The following MAN1C1 variants were observed in gnomAD, a reference collection of about 807,000 sequenced individuals.
MAN1C1 encodes the protein mannosyl-oligosaccharide 1,2-alpha-mannosidase IC.
MAN1C1 carries 49 observed loss-of-function variants against 71.5 expected under a neutral mutation model. That is an observed-to-expected ratio of 0.69 (90% CI 0.54 to 0.87). MAN1C1 has a LOEUF of 0.87. MAN1C1 is among the 40% of genes least tolerant of loss of function. The pLI is 0.00. For missense variants in MAN1C1, 743 were observed against 835.0 expected (o/e 0.89, Z 1.36); for synonymous variants, 352 against 343.7 (o/e 1.02, Z -0.27).
In MAN1C1 at chr1:25,782,562, C is replaced by T. The variant is rs763499626; in HGVS notation, c.1651-23C>T. 2 of 1,555,882 alleles carry T rather than the reference C, an allele frequency of 1.3e-6. No individual in the cohort carries two copies. The highest frequency in any genetic ancestry group is 1.1e-5 in the South Asian group (1 of 89,842). ...CCTGTCCCGTGTTAAGGCTGTTTTC[C>T]TCCTCCTCTTCCCCTTCCTCAGGCC... On this transcript the variant is annotated intron_variant, in intron 10 of 11. Transcript: ENST00000374332. This position sits in a 1 kb window ranked among gnomAD's most constrained non-coding sequence, Gnocchi z 4.4.
chr1:25,695,602 C>T (rs574452951), intron 2 of MAN1C1, among the ~76,000 whole-genome samples: 4 of 151,318 alleles, frequency 2.6e-5, no homozygotes, highest in South Asian at 4.2e-4. Flanking sequence ...CACCGCCGAC[C>T]GACCACTCAC....
At chr1:25,680,156 G>A (rs934617201) in intron 1 of MAN1C1, among the ~76,000 whole-genome samples, 1 of 151,768 alleles carries the variant, frequency 6.6e-6, no homozygotes, top group Non-Finnish European at 1.5e-5. Context: ...TCTGCCTCCC[G>A]GGTTCAAGAA....
At chr1:25,676,953 C>T (rs1327918595) in intron 1 of MAN1C1, among the ~76,000 whole-genome samples, 1 of 152,168 alleles carries the variant, frequency 6.6e-6, no homozygotes, top group Non-Finnish European at 1.5e-5. Flanking sequence ...GTGTCCTCCC[C>T]TCCTCTAATG....
chr1:25,686,236 G>A (rs368401501), intron 1 of MAN1C1, among the ~76,000 whole-genome samples: 222 of 152,286 alleles, frequency 1.5e-3, no homozygotes, highest in African/African-American at 4.8e-3. Context: ...GACACATGGC[G>A]TTGTCTAAGA....
In MAN1C1 at chr1:25,686,364, G is replaced by A. The variant is rs545418938; in HGVS notation, c.541-76G>A. 3 of 1,259,080 alleles carry A rather than the reference G, an allele frequency of 2.4e-6. No homozygotes were observed. In the East Asian group the frequency reaches 7.0e-5, roughly 29 times the overall value. The allele number at this position is 1,259,080 out of a possible 1,614,324, so 78.0% of individuals were successfully genotyped here. On this transcript the variant is annotated intron_variant, in intron 1 of 11. Coordinates refer to ENST00000374332, the MANE Select transcript of MAN1C1 (RefSeq NM_020379.4). The stretch of plus-strand genomic sequence containing the variant: ...TTTAGTTTAAAAACACGTTGCAAGG[G>A]GCAAAGCCAGGCGGCCAGTGCGCAC...
intron 1 of MAN1C1, among the ~76,000 whole-genome samples, chr1:25,638,011 A>T (rs1445607872): frequency 6.6e-6 from 1 of 152,164 alleles, no homozygotes; most frequent in East Asian, 1.9e-4. Flanking sequence ...CTGCTTTTGA[A>T]TTAGTGTTTA....
chr1:25,654,875 G>A (rs1388238377), intron 1 of MAN1C1, among the ~76,000 whole-genome samples: 2 of 152,106 alleles, frequency 1.3e-5, no homozygotes, highest in Non-Finnish European at 2.9e-5. Context: ...TCGATCTCCT[G>A]ACCTCACGAT....
intron 1 of MAN1C1, among the ~76,000 whole-genome samples, chr1:25,653,798 G>A (rs992349628): frequency 3.9e-5 from 6 of 152,324 alleles, no homozygotes; most frequent in South Asian, 2.1e-4. Flanking sequence ...GGGCCAGGTC[G>A]GGGCGGGGAG....
At chr1:25,684,928 G>T (rs572062644) in intron 1 of MAN1C1, among the ~76,000 whole-genome samples, 1 of 152,360 alleles carries the variant, frequency 6.6e-6, no homozygotes, top group African/African-American at 2.4e-5. Context: ...GCAGATTCTT[G>T]GGCCCCACCC....
intron 1 of MAN1C1, among the ~76,000 whole-genome samples, chr1:25,668,144 G>A (rs938855171): frequency 5.3e-5 from 8 of 152,306 alleles, no homozygotes; most frequent in South Asian, 2.1e-4. Context: ...AAGAAAAGCC[G>A]AATGCATTTC....
intron 1 of MAN1C1, among the ~76,000 whole-genome samples, chr1:25,630,643 TTTTTA>T (rs982102459): frequency 6.6e-6 from 1 of 152,134 alleles, no homozygotes; most frequent in Non-Finnish European, 1.5e-5. Flanking sequence ...ATTCCTAAGT[TTTTTA>T]TTTTATTTTA....
intron 6 of MAN1C1, chr1:25,760,526 G>T (rs942003812): frequency 6.6e-6 from 1 of 152,186 alleles, no homozygotes; most frequent in African/African-American, 2.4e-5. Flanking sequence ...AGAAGCGCCC[G>T]CACCCTCCAG....
At chr1:25,628,177 A>G (rs564913930) in intron 1 of MAN1C1, among the ~76,000 whole-genome samples, 1 of 152,190 alleles carries the variant, frequency 6.6e-6, no homozygotes, top group African/African-American at 2.4e-5. Flanking sequence ...ATTTCTCTCA[A>G]CAGTGTTTTG....
chr1:25,657,548 A>T, intron 1 of MAN1C1, among the ~76,000 whole-genome samples: 1 of 152,156 alleles, frequency 6.6e-6, no homozygotes, highest in Non-Finnish European at 1.5e-5. Context: ...TTTCCTACCC[A>T]TTTGTCACTT....
At chr1:25,661,805 A>G (rs1470327583) in intron 1 of MAN1C1, among the ~76,000 whole-genome samples, 3 of 152,242 alleles carry the variant, frequency 2.0e-5, no homozygotes, top group Non-Finnish European at 4.4e-5. Flanking sequence ...AAGGAGTTAA[A>G]AATATGTAAT....
At chr1:25,664,832 G>A (rs1392698267) in intron 1 of MAN1C1, among the ~76,000 whole-genome samples, 2 of 152,240 alleles carry the variant, frequency 1.3e-5, no homozygotes, top group South Asian at 2.1e-4. Context: ...ATTATCTCAC[G>A]ATTGGACATG....
At chr1:25,679,950 A>AAAATAT (rs1285307256) in intron 1 of MAN1C1, among the ~76,000 whole-genome samples, 142 of 117,198 alleles carry the variant, frequency 1.2e-3, no homozygotes, top group African/African-American at 4.4e-3. Context: ...AAAAAAAAAA[A>AAAATAT]ATATATATAT....
At chr1:25,629,849 CTGA>C (rs1225763814) in intron 1 of MAN1C1, among the ~76,000 whole-genome samples, 1 of 151,534 alleles carries the variant, frequency 6.6e-6, no homozygotes, top group African/African-American at 2.4e-5. Flanking sequence ...TCTTTTTACT[CTGA>C]TGATTATTAC....
At position 25,763,868 on chromosome 1, in the gene MAN1C1, C is replaced by G. The variant is rs183010282; in HGVS notation, c.1048-6C>G. 5.6e-6 allele frequency: 9 copies of G among 1,613,032 alleles called. No homozygotes were observed. Among genetic ancestry groups the G allele is most frequent in the African/African-American group, 1.3e-5 (1 of 74,900 alleles). ...GAAGGCTCACCTGGTGTCCGTCTCTCGGCAGGTCAGGAACATCCGCAAGGT... is the reference window on the plus strand; with the variant it reads ...GAAGGCTCACCTGGTGTCCGTCTCTGGGCAGGTCAGGAACATCCGCAAGGT... On this transcript the variant is annotated splice_polypyrimidine_tract_variant and splice_region_variant and intron_variant, in intron 6 of 11. Transcript: ENST00000374332.
Sources: allele counts gnomAD v4.1 joint callset (sites outside exome capture counted in the v4.1 genomes callset), GRCh38; gene constraint gnomAD v4.1.1; non-coding constraint Gnocchi (gnomAD v3.1); transcripts MANE v1.5; gene names NCBI Gene and HGNC (gene_info 2026-07-23, HGNC 2026-07-21).